Variants in CPXM2 observed in about 807,000 individuals in gnomAD.
The protein encoded by CPXM2 is inactive carboxypeptidase-like protein X2.
Under a neutral mutation model 86.1 loss-of-function variants are expected in CPXM2, and 66 were observed. The observed-to-expected ratio is 0.77, with a 90% confidence interval of 0.63 to 0.94. The LOEUF (loss-of-function observed/expected upper bound fraction) is 0.94. Among genes scored for constraint, CPXM2 ranks in the 40% least tolerant of loss-of-function variants. The pLI, the probability that CPXM2 is intolerant of heterozygous loss-of-function variation, is 0.00. For synonymous variants in CPXM2, 388 were observed against 400.2 expected, an observed-to-expected ratio of 0.97 and a Z score of 0.36; for missense variants, 948 against 1,026.3, an observed-to-expected ratio of 0.92 and a Z score of 1.04.
intron 2 of CPXM2, among the ~76,000 whole-genome samples, chr10:123,922,024 G>A (rs72631131): frequency 0.033 from 4,999 of 152,230 alleles, 246 homozygotes; most frequent in African/African-American, 0.1. Context: ...AATGTATCTT[G>A]TTCTACTCCA....
intron 1 of CPXM2, among the ~76,000 whole-genome samples, chr10:123,889,966 A>T (rs1213621900): frequency 6.6e-6 from 1 of 152,178 alleles, no homozygotes; most frequent in Non-Finnish European, 1.5e-5. Flanking sequence ...CAAACTACCA[A>T]ACCAAAAAGG....
chr10:123,880,893 G>A (rs555334178), intron 1 of CPXM2, among the ~76,000 whole-genome samples: 1 of 149,574 alleles, frequency 6.7e-6, no homozygotes, highest in East Asian at 2.0e-4. Flanking sequence ...CCCTCACTGA[G>A]GCCCAGAGAC....
Position 123,770,989 on chromosome 10 carries a change from G to A in CPXM2, c.1029C>T (p.Asn343=). ...EMCPNITRIY[N]IGKSHQGLKL... is the part of the protein sequence containing the mutation. ...TCAGGCCCTGGTGGCTTTTTCCAAT[G>A]TTGTAAATTCTGGTGATATTGGGAC... The change falls in exon 8 of 14, where the codon AAC becomes AAT. Residue 343 remains asparagine (N), a synonymous_variant. Coordinates refer to ENST00000241305, the MANE Select transcript of CPXM2 (RefSeq NM_198148.3). 1 of 1,613,516 alleles carries A rather than the reference G, an allele frequency of 6.2e-7. No individual in the cohort carries two copies. Among genetic ancestry groups the A allele is most frequent in the South Asian group, 1.1e-5 (1 of 91,074 alleles).
intron 4 of CPXM2, among the ~76,000 whole-genome samples, chr10:123,825,358 T>C (rs1018958196): frequency 6.6e-6 from 1 of 152,178 alleles, no homozygotes. Context: ...AGACAGCAAA[T>C]GGAAGAAGAC....
chr10:123,752,588 T>C, intron 13 of CPXM2: 1 of 985,384 alleles, frequency 1.0e-6, no homozygotes, highest in South Asian at 4.7e-5. Context: ...CAAAGTCTGC[T>C]TCCTGGCAGG....
At chr10:123,748,934 C>T (rs1846019645) in intron 13 of CPXM2, among the ~76,000 whole-genome samples, 1 of 152,082 alleles carries the variant, frequency 6.6e-6, no homozygotes, top group Non-Finnish European at 1.5e-5. Flanking sequence ...CTGCCTCGGC[C>T]CGGTGTTAAA....
At chr10:123,793,710 C>T (rs962100270) in intron 6 of CPXM2, among the ~76,000 whole-genome samples, 1 of 152,144 alleles carries the variant, frequency 6.6e-6, no homozygotes, top group Non-Finnish European at 1.5e-5. Context: ...AATGAGGAAG[C>T]CAATGGCTGC....
At chr10:123,914,235 C>G in intron 2 of CPXM2, 1 of 376,268 alleles carries the variant, frequency 2.7e-6, no homozygotes, top group Non-Finnish European at 5.3e-6. Flanking sequence ...TAAGCCACAT[C>G]GAGCACATTA....
chr10:123,787,977 C>T (rs1403740175), intron 6 of CPXM2, among the ~76,000 whole-genome samples: 5 of 152,032 alleles, frequency 3.3e-5, no homozygotes, highest in African/African-American at 1.2e-4. Flanking sequence ...TCCTACTTAG[C>T]CCTTTAGAAA....
chr10:123,796,505 A>C (rs1456676440), intron 6 of CPXM2, among the ~76,000 whole-genome samples: 2 of 152,188 alleles, frequency 1.3e-5, no homozygotes, highest in Non-Finnish European at 2.9e-5. Flanking sequence ...AACACACAAA[A>C]AATATGACCA....
In CPXM2 at chr10:123,875,877, C is replaced by G. The variant is rs181250011; in HGVS notation, c.403+4334G>C. On this transcript the variant is annotated intron_variant, in intron 2 of 13. Transcript: ENST00000241305. ...TGTCACCCAGGCTGGAGTGCAATGG[C>G]GTGATCTTGGCTCACTTCAACCTCC... Among the ~76,000 whole-genome samples, 56 of 131,624 alleles carry G rather than the reference C, an allele frequency of 4.3e-4. No individual in the cohort carries two copies. In the South Asian group the frequency reaches 5.0e-3, roughly 12 times the overall value. The allele number at this position is 131,624 out of a possible 152,430, so 86.4% of individuals were successfully genotyped here.
intron 2 of CPXM2, among the ~76,000 whole-genome samples, chr10:123,918,916 A>G (rs28493344): frequency 0.6 from 90,717 of 151,876 alleles, 27,827 homozygotes; most frequent in Non-Finnish European, 0.64. Flanking sequence ...CCAGTCACAG[A>G]GAGTGCATGA....
intron 4 of CPXM2, among the ~76,000 whole-genome samples, chr10:123,832,016 G>C (rs1437849481): frequency 6.6e-6 from 1 of 151,498 alleles, no homozygotes; most frequent in East Asian, 1.9e-4. Context: ...GTGCAGGGCA[G>C]TGGTGTGATT....
chr10:123,846,675 C>G (rs527271471), intron 3 of CPXM2, among the ~76,000 whole-genome samples: 6 of 152,212 alleles, frequency 3.9e-5, no homozygotes, highest in African/African-American at 1.4e-4. Flanking sequence ...TCCAACATAG[C>G]AGAGAATTAT....
intron 4 of CPXM2, among the ~76,000 whole-genome samples, chr10:123,813,776 G>A (rs1160699676): frequency 6.6e-6 from 1 of 152,194 alleles, no homozygotes; most frequent in Admixed American, 6.5e-5. Context: ...CATACATGGT[G>A]GTGCCCAACA....
At chr10:123,825,065 A>T (rs990900866) in intron 4 of CPXM2, among the ~76,000 whole-genome samples, 3 of 152,230 alleles carry the variant, frequency 2.0e-5, no homozygotes, top group Non-Finnish European at 4.4e-5. Context: ...AAAAGACCAG[A>T]AACTTCTGGA....
At chr10:123,904,133 A>G (rs1179206430) in intron 2 of CPXM2, among the ~76,000 whole-genome samples, 3 of 152,248 alleles carry the variant, frequency 2.0e-5, no homozygotes, top group Non-Finnish European at 1.5e-5. Context: ...CATAAATAAA[A>G]TATCTTTTAT....
At chr10:123,819,466 G>A (rs1019095904) in intron 4 of CPXM2, among the ~76,000 whole-genome samples, 1 of 152,182 alleles carries the variant, frequency 6.6e-6, no homozygotes, top group Non-Finnish European at 1.5e-5. Context: ...GTGACCAGCT[G>A]CAGAAACAAG....
At chr10:123,863,764 C>T (rs1047973385) in intron 2 of CPXM2, among the ~76,000 whole-genome samples, 4 of 152,210 alleles carry the variant, frequency 2.6e-5, no homozygotes, top group African/African-American at 9.6e-5. Flanking sequence ...CTGGCACCTC[C>T]GCAGCTTGGC....
Sources: gnomAD v4.1 joint callset for allele counts (sites outside exome capture counted in the v4.1 genomes callset) on GRCh38, gnomAD v4.1.1 for gene constraint, MANE v1.5 for transcripts, NCBI Gene and HGNC (gene_info 2026-07-23, HGNC 2026-07-21) for gene names.